Variants in VPS13B observed in about 807,000 individuals in gnomAD.
VPS13B encodes vacuolar protein sorting 13 homolog B.
Under a neutral mutation model 426.4 loss-of-function variants are expected in VPS13B, and 285 were observed. The observed-to-expected ratio is 0.67, with a 90% CI of 0.61 to 0.74. The LOEUF (loss-of-function observed/expected upper bound fraction) is 0.74. VPS13B is among the 30% of genes least tolerant of loss of function. The probability of loss-of-function intolerance (pLI) is 0.00; values close to 1 mark genes in which losing one functional copy is unlikely to be tolerated. For synonymous variants in VPS13B, 1,676 were observed against 1,676.4 expected (o/e 1.00, Z 0.01); for missense variants, 4,537 against 4,782.6 (o/e 0.95, Z 1.51).
At chr8:99,183,413 C>T (rs531589001) in intron 16 of VPS13B, among the ~76,000 whole-genome samples, 1 of 152,146 alleles carries the variant, frequency 6.6e-6, no homozygotes, top group African/African-American at 2.4e-5. Context: ...TTGAAATGCT[C>T]AGATGGAATT....
chr8:99,303,867 A>G lies in VPS13B; in HGVS notation c.2824+28613A>G, dbSNP rs77049633. On this transcript the variant is annotated intron_variant, in intron 19 of 61. Coordinates refer to ENST00000357162, the MANE Select transcript of VPS13B (RefSeq NM_152564.5). ...TACAGATCTCTCAGTAAGGTGATCT[A>G]TTTTTCCATTTATATGCATATTTAT... Among the ~76,000 whole-genome samples, 415 of 151,396 alleles carry G rather than the reference A, an allele frequency of 2.7e-3. 12 individuals carry two copies. In the East Asian group the frequency reaches 0.042, roughly 15 times the overall value.
At chr8:99,401,696 T>C (rs1379274224) in intron 21 of VPS13B, among the ~76,000 whole-genome samples, 1 of 152,128 alleles carries the variant, frequency 6.6e-6, no homozygotes, top group Non-Finnish European at 1.5e-5. Context: ...TGAAACCCTG[T>C]CTCTACTAAA....
In VPS13B at chr8:99,378,147, G is replaced by A. The variant is rs1022109309; in HGVS notation, c.2825-6061G>A. Among the ~76,000 whole-genome samples, 9 of 56,082 alleles carry A rather than the reference G, an allele frequency of 1.6e-4. 1 individual carries two copies. Among genetic ancestry groups the A allele is most frequent in the African/African-American group, 4.8e-4 (6 of 12,616 alleles). 36.8% of individuals were successfully genotyped at this position (56,082 alleles called of 152,430 possible). ...GGCCATTTTAGAGCCCCCCCCCCCC[G>A]GAATGCATTCTTTTCCCAAGGCTGT... On this transcript the variant is annotated intron_variant, in intron 19 of 61. Coordinates refer to ENST00000357162, the MANE Select transcript of VPS13B (RefSeq NM_152564.5).
In VPS13B at chr8:99,813,379, T is replaced by C. The variant is rs1262640775; in HGVS notation, c.8097+3849T>C. ...CAGCCAAATTCTCTTCTAAATCTCC[T>C]GGGGTCCAAAGGTTCTGAAGCAAGA... On this transcript the variant is annotated intron_variant, in intron 44 of 61. Coordinates refer to ENST00000357162, the MANE Select transcript of VPS13B (RefSeq NM_152564.5). 3.3e-5 allele frequency among the ~76,000 whole-genome samples: 5 copies of C among 152,194 alleles called. 1 individual carries two copies. The South Asian group carries it at 6.2e-4, about 19-fold the overall frequency.
intron 12 of VPS13B, among the ~76,000 whole-genome samples, chr8:99,142,155 T>C (rs959344789): frequency 2.6e-5 from 4 of 152,308 alleles, no homozygotes; most frequent in African/African-American, 9.6e-5. Context: ...ATAATGGAAA[T>C]ATATTTTTGT....
Position 99,870,833 on chromosome 8 carries a change from A to G in VPS13B, c.11441A>G (p.Gln3814Arg), listed in dbSNP as rs1193749676. 1 of 1,614,222 alleles carries G rather than the reference A, an allele frequency of 6.2e-7. No individual in the cohort carries two copies. The highest frequency in any genetic ancestry group is 1.7e-5 in the Admixed American group (1 of 60,028). The change falls in exon 60 of 62, where the codon CAG (glutamine) becomes CGG (arginine). Residue 3814 changes from glutamine to arginine, a missense_variant. This residue lies in a region of VPS13B where 4,311 missense variants were observed against 4,474.3 expected (regional missense o/e 0.96). Transcript: ENST00000357162. ...GLSQLPKQRHQPSDLHADQAP... is the reference protein window; with the variant it reads ...GLSQLPKQRHRPSDLHADQAP... ...TCTCAGCTTCCCAAACAGCGCCATC[A>G]GCCAAGTGATCTACATGCTGACCAG...
At chr8:99,596,275 T>G (rs1827007849) in intron 33 of VPS13B, among the ~76,000 whole-genome samples, 2 of 151,970 alleles carry the variant, frequency 1.3e-5, no homozygotes, top group South Asian at 4.1e-4. Context: ...ACGTGGTACT[T>G]CTGATTAAAG....
At chr8:99,867,020 A>T (rs1426617111) in intron 58 of VPS13B, among the ~76,000 whole-genome samples, 2 of 152,222 alleles carry the variant, frequency 1.3e-5, no homozygotes, top group Non-Finnish European at 2.9e-5. Flanking sequence ...GCCTCAGGTC[A>T]TTCTGAATCT....
intron 30 of VPS13B, among the ~76,000 whole-genome samples, chr8:99,524,723 G>A (rs182261114): frequency 1.3e-5 from 2 of 152,168 alleles, no homozygotes; most frequent in Admixed American, 6.5e-5. Context: ...AGCACAGGAG[G>A]TTGAGGCTGT....
At chr8:99,802,993 A>T (rs1366307987) in intron 43 of VPS13B, among the ~76,000 whole-genome samples, 1 of 152,198 alleles carries the variant, frequency 6.6e-6, no homozygotes, top group East Asian at 1.9e-4. Context: ...CTTGACACAT[A>T]ATGTCTAATA....
chr8:99,779,305 T>G (rs182669164), intron 42 of VPS13B, among the ~76,000 whole-genome samples: 36 of 152,332 alleles, frequency 2.4e-4, no homozygotes, highest in African/African-American at 8.4e-4. Context: ...GAAAGTAACA[T>G]ATTCCCAGAA....
intron 17 of VPS13B, among the ~76,000 whole-genome samples, chr8:99,257,763 GA>G (rs1419043280): frequency 6.7e-6 from 1 of 149,866 alleles, no homozygotes; most frequent in African/African-American, 2.4e-5. Context: ...ATTTTTAAAT[GA>G]CCTCATTTGA....
chr8:99,790,023 C>A (rs1406490465), intron 43 of VPS13B, among the ~76,000 whole-genome samples: 1 of 152,112 alleles, frequency 6.6e-6, no homozygotes, highest in East Asian at 1.9e-4. Context: ...ACCCAAAACT[C>A]ACATACAGAC....
intron 2 of VPS13B, among the ~76,000 whole-genome samples, chr8:99,020,714 A>C (rs1229458885): frequency 1.3e-5 from 2 of 152,144 alleles, no homozygotes; most frequent in Non-Finnish European, 2.9e-5. Flanking sequence ...TTCACATTGA[A>C]TGGTCTTGGT....
chr8:99,843,547 G>C (rs1012686864), intron 54 of VPS13B, among the ~76,000 whole-genome samples: 65 of 152,138 alleles, frequency 4.3e-4, no homozygotes, highest in African/African-American at 1.5e-3. Context: ...CCCTTTCCCT[G>C]CTGTTTTATA....
intron 33 of VPS13B, among the ~76,000 whole-genome samples, chr8:99,624,391 GC>G (rs1392997603): frequency 1.3e-5 from 2 of 152,064 alleles, no homozygotes; most frequent in Non-Finnish European, 2.9e-5. Context: ...GTTTAGAAGA[GC>G]GCCAAAGTGT....
At chr8:99,414,558 G>A (rs1815883414) in intron 21 of VPS13B, among the ~76,000 whole-genome samples, 2 of 152,206 alleles carry the variant, frequency 1.3e-5, no homozygotes, top group African/African-American at 4.8e-5. Context: ...GGCTGGTACT[G>A]GTTTTTCCTT....
chr8:99,100,258 A>G (rs1042273915), intron 4 of VPS13B, among the ~76,000 whole-genome samples: 3 of 152,078 alleles, frequency 2.0e-5, no homozygotes, highest in African/African-American at 7.2e-5. Context: ...CTCAATTTGT[A>G]TGTCAGTTTT....
At chr8:99,209,839 C>A (rs1814970193) in intron 17 of VPS13B, 2 of 636,566 alleles carry the variant, frequency 3.1e-6, no homozygotes, top group Admixed American at 6.3e-5. Context: ...AAAAAGTTTT[C>A]AAATACTTCA....
Sources: gnomAD v4.1 joint callset for allele counts (sites outside exome capture counted in the v4.1 genomes callset) on GRCh38, gnomAD v4.1.1 for gene constraint, gnomAD v4.1.1 regional missense constraint, MANE v1.5 for transcripts, NCBI Gene and HGNC (gene_info 2026-07-23, HGNC 2026-07-21) for gene names.